Variants in LIMCH1 observed in about 807,000 individuals in gnomAD.
LIMCH1 encodes LIM and calponin homology domains 1, also known as LIM and calponin homology domains-containing protein 1.
Under a neutral mutation model 176.5 loss-of-function variants are expected in LIMCH1, and 113 were observed. The observed-to-expected ratio is 0.64, with a 90% CI of 0.55 to 0.75. The LOEUF (loss-of-function observed/expected upper bound fraction) is 0.75. Among genes scored for constraint, LIMCH1 ranks in the 30% least tolerant of loss-of-function variants. The probability of loss-of-function intolerance (pLI) is 0.00; values close to 1 mark genes in which losing one functional copy is unlikely to be tolerated. For synonymous variants in LIMCH1, 619 were observed against 645.9 expected, an observed-to-expected ratio of 0.96 and a Z score of 0.63; for missense variants, 1,674 against 1,814.9, an observed-to-expected ratio of 0.92 and a Z score of 1.41.
At chr4:41,469,137 G>A (rs1291702601) in intron 1 of LIMCH1, among the ~76,000 whole-genome samples, 1 of 152,114 alleles carries the variant, frequency 6.6e-6, no homozygotes, top group Non-Finnish European at 1.5e-5. Context: ...TATGAGGTGG[G>A]AATTAGTAAT....
Position 41,619,413 on chromosome 4 carries a change from C to A in LIMCH1, c.431C>A (p.Ser144Tyr), listed in dbSNP as rs539643990. 1 of 1,611,430 alleles carries A rather than the reference C, an allele frequency of 6.2e-7. No individual in the cohort carries two copies. Among genetic ancestry groups the A allele is most frequent in the Admixed American group, 1.7e-5 (1 of 60,012 alleles). Residue 144 changes from serine to tyrosine, a missense_variant, in exon 6 of 32, where the codon TCC becomes TAC. Physicochemically the swap from Ser to Tyr is moderately radical, Grantham distance 144. This residue lies in a region of LIMCH1 where 655 missense variants were observed against 692.2 expected (regional missense o/e 0.95). Transcript: ENST00000503057. ...CGCAAGAGCTGGAGTACCGCCACCT[C>A]CCCGCTGGGTGGGGAGAGGCCCTTC... is the stretch of plus-strand genomic sequence containing the variant. ...EYRKSWSTAT[S>Y]PLGGERPFSF...
chr4:41,621,756 A>T (rs995419485), intron 7 of LIMCH1, among the ~76,000 whole-genome samples: 4 of 151,032 alleles, frequency 2.6e-5, no homozygotes, highest in African/African-American at 9.9e-5. Context: ...CCAGAAGTCC[A>T]GAAGTGGGAG....
intron 18 of LIMCH1, among the ~76,000 whole-genome samples, chr4:41,658,336 G>C (rs1014103946): frequency 6.6e-6 from 1 of 152,198 alleles, no homozygotes; most frequent in Non-Finnish European, 1.5e-5. Flanking sequence ...CAAATGTCAG[G>C]ATGTAACCTT....
intron 2 of LIMCH1, among the ~76,000 whole-genome samples, chr4:41,504,197 G>T (rs2073843511): frequency 6.6e-6 from 1 of 152,180 alleles, no homozygotes; most frequent in South Asian, 2.1e-4. Flanking sequence ...CAACCTCAGG[G>T]TCTGTCTCTG....
In LIMCH1 at chr4:41,540,858, C is replaced by CGCT. The variant is rs1420443935; in HGVS notation, c.-241+2511_-241+2513dup. Among the ~76,000 whole-genome samples, 3 of 152,204 alleles carry CGCT rather than the reference C, an allele frequency of 2.0e-5. No homozygotes were observed. In the East Asian group the frequency reaches 5.8e-4, roughly 29 times the overall value. ...AACTGTCAGTCCTTGCCCTGATGGA[C>CGCT]GCTGCAGTTGACTTTCAAGGGCTGC... On this transcript the variant is annotated intron_variant, in intron 1 of 31. Transcript: ENST00000503057.
intron 1 of LIMCH1, among the ~76,000 whole-genome samples, chr4:41,442,205 C>T (rs943737175): frequency 6.6e-5 from 10 of 152,154 alleles, no homozygotes; most frequent in South Asian, 2.1e-4. Flanking sequence ...GAGGCTGATG[C>T]GAGAGGATCA....
intron 1 of LIMCH1, among the ~76,000 whole-genome samples, chr4:41,447,144 C>T (rs1018954926): frequency 2.0e-5 from 3 of 152,164 alleles, no homozygotes; most frequent in African/African-American, 4.8e-5. Flanking sequence ...GTGGGAAAAT[C>T]GCCTGAGCCC....
intron 1 of LIMCH1, among the ~76,000 whole-genome samples, chr4:41,587,956 T>G (rs1348339271): frequency 2.0e-5 from 3 of 152,116 alleles, no homozygotes; most frequent in African/African-American, 7.2e-5. Context: ...TTATTATACT[T>G]TAAGTTTTAG....
intron 22 of LIMCH1, among the ~76,000 whole-genome samples, chr4:41,674,506 T>G (rs1258617699): frequency 6.6e-6 from 1 of 152,212 alleles, no homozygotes; most frequent in African/African-American, 2.4e-5. Flanking sequence ...CACATTTGGA[T>G]AACATTTATG....
At chr4:41,666,090 G>T (rs978618778) in intron 20 of LIMCH1, among the ~76,000 whole-genome samples, 2 of 152,030 alleles carry the variant, frequency 1.3e-5, no homozygotes, top group African/African-American at 2.4e-5. Flanking sequence ...ATTTGTGGGG[G>T]GTTATGTAAT....
chr4:41,522,342 A>G (rs2076205335), intron 2 of LIMCH1, among the ~76,000 whole-genome samples: 1 of 152,150 alleles, frequency 6.6e-6, no homozygotes, highest in African/African-American at 2.4e-5. Context: ...TGCTACACAT[A>G]TATATTTTTA....
chr4:41,626,103 A>T (rs1332539362), intron 7 of LIMCH1, among the ~76,000 whole-genome samples: 1 of 152,210 alleles, frequency 6.6e-6, no homozygotes, highest in Non-Finnish European at 1.5e-5. Context: ...GCAGGGCAAG[A>T]TAAGCTTCCT....
chr4:41,471,972 T>C (rs1004734077), intron 1 of LIMCH1, among the ~76,000 whole-genome samples: 3 of 152,192 alleles, frequency 2.0e-5, no homozygotes, highest in African/African-American at 7.2e-5. Context: ...ACTTGTTACT[T>C]TTCTTTCCTT....
intron 1 of LIMCH1, among the ~76,000 whole-genome samples, chr4:41,375,323 C>T (rs1387202961): frequency 1.3e-5 from 2 of 152,008 alleles, no homozygotes; most frequent in African/African-American, 4.8e-5. Flanking sequence ...AGAGGTATCA[C>T]TGAATGTCAA....
At chr4:41,412,602 T>C (rs1453387523) in intron 1 of LIMCH1, among the ~76,000 whole-genome samples, 1 of 152,186 alleles carries the variant, frequency 6.6e-6, no homozygotes, top group African/African-American at 2.4e-5. Flanking sequence ...AGTCAGTGCA[T>C]TGGAAAAGAG....
chr4:41,656,020 C>T (rs1435189171), intron 18 of LIMCH1, among the ~76,000 whole-genome samples: 1 of 152,206 alleles, frequency 6.6e-6, no homozygotes, highest in Non-Finnish European at 1.5e-5. Flanking sequence ...TCAGCACCAT[C>T]CCATCAGGTT....
intron 1 of LIMCH1, among the ~76,000 whole-genome samples, chr4:41,447,462 A>T (rs754823845): frequency 1.3e-5 from 2 of 152,220 alleles, no homozygotes; most frequent in Non-Finnish European, 2.9e-5. Context: ...GTCAATCCAA[A>T]CTAGATGACT....
At position 41,694,392 on chromosome 4, in the gene LIMCH1, A is replaced by G. The variant is rs1178099043; in HGVS notation, c.4378+2008A>G. Reference sequence around the variant, plus strand: ...TATGTTTGTACATGTGTATGCACACACTTGCACACATGTACACACAGAGAT... The same window carrying G: ...TATGTTTGTACATGTGTATGCACACGCTTGCACACATGTACACACAGAGAT... On this transcript the variant is annotated intron_variant, in intron 31 of 31. Transcript: ENST00000503057. Among the ~76,000 whole-genome samples, 8 of 152,286 alleles carry G rather than the reference A, an allele frequency of 5.3e-5. No homozygotes were observed. In the East Asian group the frequency reaches 1.5e-3, roughly 29 times the overall value.
intron 1 of LIMCH1, among the ~76,000 whole-genome samples, chr4:41,391,548 C>G (rs1421017619): frequency 6.6e-6 from 1 of 152,114 alleles, no homozygotes; most frequent in East Asian, 1.9e-4. Flanking sequence ...GCAGACACCA[C>G]CTTATCAAGT....
Sources: allele counts gnomAD v4.1 joint callset (sites outside exome capture counted in the v4.1 genomes callset), GRCh38; gene constraint gnomAD v4.1.1; regional missense constraint gnomAD v4.1.1; transcripts MANE v1.5; gene names NCBI Gene and HGNC (gene_info 2026-07-23, HGNC 2026-07-21).